RAPGEF2: variants seen among roughly 807,000 people sequenced by gnomAD.
RAPGEF2 encodes the protein Rap guanine nucleotide exchange factor 2, also known as PDZ domain containing guanine nucleotide exchange factor (GEF) 1.
A neutral mutation model predicts 186.7 loss-of-function variants in RAPGEF2; 54 were observed. The observed-to-expected ratio is 0.29, with a 90% CI of 0.23 to 0.36. The LOEUF is 0.36. RAPGEF2 is among the 10% of genes least tolerant of loss of function. RAPGEF2 has a pLI of 1.00. For missense variants in RAPGEF2, 1,532 were observed against 2,045.0 expected (o/e 0.75, Z 4.84); for synonymous variants, 712 against 705.9 (o/e 1.01, Z -0.14).
chr4:159,296,203 G>A (rs1329722089), intron 7 of RAPGEF2, among the ~76,000 whole-genome samples: 1 of 152,168 alleles, frequency 6.6e-6, no homozygotes, highest in Non-Finnish European at 1.5e-5. Flanking sequence ...ATGTTATACA[G>A]CACTGTGTCA....
At chr4:159,214,969 T>A (rs1457585763) in intron 4 of RAPGEF2, among the ~76,000 whole-genome samples, 1 of 152,096 alleles carries the variant, frequency 6.6e-6, no homozygotes, top group East Asian at 1.9e-4. Flanking sequence ...TTCAAGCAAT[T>A]ATTGTGCCTC....
Position 159,159,379 on chromosome 4 carries a change from T to C in RAPGEF2, c.70-27263T>C, listed in dbSNP as rs150763899. Among the ~76,000 whole-genome samples the C allele has an allele frequency of 4.5e-3, 688 of 151,844 alleles. 8 individuals carry two copies. Among genetic ancestry groups the C allele is most frequent in the African/African-American group, 0.015 (626 of 41,364 alleles). ...TCTTTTATTTTGATTTAAGTACATA[T>C]AGTGGGATCAACCTATAGATGTTTT... is the stretch of plus-strand genomic sequence containing the variant. On this transcript the variant is annotated intron_variant, in intron 1 of 29. Coordinates refer to ENST00000691494, the MANE Select transcript of RAPGEF2 (RefSeq NM_001394067.2).
At chr4:159,213,346 A>C (rs931467744) in intron 4 of RAPGEF2, among the ~76,000 whole-genome samples, 2 of 152,260 alleles carry the variant, frequency 1.3e-5, no homozygotes, top group African/African-American at 2.4e-5. Context: ...TTATAAAACA[A>C]CTAGTTTACA....
At chr4:159,229,948 G>A (rs1359203393) in intron 4 of RAPGEF2, among the ~76,000 whole-genome samples, 1 of 152,130 alleles carries the variant, frequency 6.6e-6, no homozygotes, top group Non-Finnish European at 1.5e-5. Context: ...AGATTGACCA[G>A]AAGTGAACCT....
rs535794404 is a variant in RAPGEF2 at position 159,111,408 on chromosome 4, A to C, written c.69+7177A>C. 2.0e-3 allele frequency among the ~76,000 whole-genome samples: 303 copies of C among 152,370 alleles called. 5 individuals carry two copies. Among genetic ancestry groups the C allele is most frequent in the Admixed American group, 0.018 (278 of 15,308 alleles). ...GACTGTGGAGCTTTAGAATTAAAAT[A>C]AGTGAATAAAAATGTACATTTCGCT... On this transcript the variant is annotated intron_variant, in intron 1 of 29. Transcript: ENST00000691494.
At chr4:159,258,042 A>G (rs1756390582) in intron 7 of RAPGEF2, among the ~76,000 whole-genome samples, 1 of 152,184 alleles carries the variant, frequency 6.6e-6, no homozygotes, top group South Asian at 2.1e-4. Flanking sequence ...AGGTAATGTA[A>G]TCTTCCATGA....
chr4:159,118,896 C>G (rs572648980), intron 1 of RAPGEF2, among the ~76,000 whole-genome samples: 1 of 152,256 alleles, frequency 6.6e-6, no homozygotes, highest in South Asian at 2.1e-4. Context: ...TATTAAAGTT[C>G]TTAACACAGT....
chr4:159,177,498 C>T (rs944785663), intron 1 of RAPGEF2, among the ~76,000 whole-genome samples: 2 of 152,138 alleles, frequency 1.3e-5, no homozygotes, highest in Non-Finnish European at 2.9e-5. Context: ...ACTAACAAAC[C>T]CAGGGTCACA....
intron 2 of RAPGEF2, among the ~76,000 whole-genome samples, chr4:159,190,400 G>A (rs1019226127): frequency 6.6e-6 from 1 of 152,140 alleles, no homozygotes; most frequent in Non-Finnish European, 1.5e-5. Context: ...GATAATGATA[G>A]CTCATGCTAG....
intron 1 of RAPGEF2, among the ~76,000 whole-genome samples, chr4:159,135,621 C>T (rs537941249): frequency 7.2e-5 from 11 of 151,944 alleles, no homozygotes; most frequent in South Asian, 6.2e-4. Context: ...TTTTTTGAGA[C>T]GGAGTTTTGC....
At chr4:159,293,718 A>T (rs564284590) in intron 7 of RAPGEF2, among the ~76,000 whole-genome samples, 1 of 152,354 alleles carries the variant, frequency 6.6e-6, no homozygotes, top group Admixed American at 6.5e-5. Context: ...TCCTTTTCAT[A>T]AATCTGATGG....
At chr4:159,300,124 A>AT (rs1762475914) in intron 7 of RAPGEF2, among the ~76,000 whole-genome samples, 1 of 151,294 alleles carries the variant, frequency 6.6e-6, no homozygotes, top group African/African-American at 2.4e-5. Flanking sequence ...TAATACTTAT[A>AT]AAGTATTACT....
intron 1 of RAPGEF2, among the ~76,000 whole-genome samples, chr4:159,159,984 C>A (rs917358895): frequency 4.6e-5 from 7 of 152,128 alleles, no homozygotes; most frequent in African/African-American, 1.4e-4. Context: ...TGGAAAAAAA[C>A]CCACATTTAA....
At chr4:159,337,569 A>G (rs566362427) in intron 17 of RAPGEF2, among the ~76,000 whole-genome samples, 3 of 152,040 alleles carry the variant, frequency 2.0e-5, no homozygotes, top group Non-Finnish European at 4.4e-5. Flanking sequence ...AACTACTAAT[A>G]TTTTTTATGG....
At chr4:159,173,571 T>C (rs2111254409) in intron 1 of RAPGEF2, among the ~76,000 whole-genome samples, 1 of 152,288 alleles carries the variant, frequency 6.6e-6, no homozygotes, top group Middle Eastern at 3.4e-3. Context: ...GGAGCCAGAC[T>C]GTATTTGGGA....
At chr4:159,325,350 C>G (rs932448364) in intron 11 of RAPGEF2, among the ~76,000 whole-genome samples, 5 of 151,936 alleles carry the variant, frequency 3.3e-5, no homozygotes, top group Admixed American at 6.6e-5. Context: ...TAGAGGAAAA[C>G]AAATGGTAAA....
In RAPGEF2 at chr4:159,104,069, G is replaced by T; in HGVS notation, c.-94G>T. ...GCTGATTAGTCGCGGGCGGGCGGGCGGGCGCAGCGCGCAGGGCGGAGGCAG... is the reference window on the plus strand; with the variant it reads ...GCTGATTAGTCGCGGGCGGGCGGGCTGGCGCAGCGCGCAGGGCGGAGGCAG... On this transcript the variant is annotated 5_prime_UTR_variant, in exon 1 of 30. Coordinates refer to ENST00000691494, the MANE Select transcript of RAPGEF2 (RefSeq NM_001394067.2). 1.5e-6 allele frequency: 1 copy of T among 689,252 alleles called. No homozygotes were observed. The highest frequency in any genetic ancestry group is 1.9e-6 in the Non-Finnish European group (1 of 529,956). The allele number at this position is 689,252 out of a possible 1,614,324, so 42.7% of individuals were successfully genotyped here.
intron 1 of RAPGEF2, among the ~76,000 whole-genome samples, chr4:159,139,836 C>T (rs1742126354): frequency 6.6e-6 from 1 of 152,100 alleles, no homozygotes; most frequent in African/African-American, 2.4e-5. Flanking sequence ...AATGTCTGTG[C>T]TAAAAGTAGA....
chr4:159,328,869 TTAGTA>T (rs751448691), intron 11 of RAPGEF2: 10 of 152,132 alleles, frequency 6.6e-5, no homozygotes, highest in Admixed American at 1.3e-4. Flanking sequence ...ATCGTAATAT[TTAGTA>T]TAGTATCTTT....
Sources: allele counts gnomAD v4.1 joint callset (sites outside exome capture counted in the v4.1 genomes callset), GRCh38; gene constraint gnomAD v4.1.1; transcripts MANE v1.5; gene names NCBI Gene and HGNC (gene_info 2026-07-23, HGNC 2026-07-21).